The following PACC1 variants were observed in gnomAD, a reference collection of about 807,000 sequenced individuals.
PACC1 encodes the protein proton activated chloride channel 1.
Under a neutral mutation model 39.7 loss-of-function variants are expected in PACC1, and 34 were observed. The ratio of observed to expected loss-of-function variants is 0.86; its 90% CI spans 0.65 to 1.14. The LOEUF is 1.14. Ranked by LOEUF, PACC1 falls within the 50% of genes most tolerant of loss-of-function variation. PACC1 has a pLI of 0.00. For missense variants in PACC1, 379 were observed against 436.4 expected (o/e 0.87, Z 1.17); for synonymous variants, 127 against 160.6 (o/e 0.79, Z 1.58).
At chr1:212,414,324 G>A (rs1310718441) in intron 1 of PACC1, among the ~76,000 whole-genome samples, 3 of 152,210 alleles carry the variant, frequency 2.0e-5, no homozygotes, top group Non-Finnish European at 2.9e-5. Flanking sequence ...ATCTCGCCGG[G>A]AGGAGGGCGC....
intron 6 of PACC1, among the ~76,000 whole-genome samples, 164 bp downstream of exon 6, chr1:212,377,398 C>T (rs1228493400): frequency 6.6e-6 from 1 of 152,196 alleles, no homozygotes; most frequent in Non-Finnish European, 1.5e-5. Context: ...GACTCCCTGG[C>T]ATAGCATATG....
At position 212,386,449 on chromosome 1, in the gene PACC1, TCCCCA is replaced by T. The variant is rs1361774009; in HGVS notation, c.343+437_343+441del. 6.6e-6 allele frequency among the ~76,000 whole-genome samples: 1 copy of T among 151,748 alleles called. No individual in the cohort carries two copies. The highest frequency in any genetic ancestry group is 1.9e-4 in the East Asian group (1 of 5,160). ...AATGGCCTCGCCTCCCCTGCCATCC[TCCCCA>T]CCCCACAGTCCAGCCTTGACTCCTG... On this transcript the variant is annotated intron_variant, in intron 3 of 7. Coordinates refer to ENST00000261455, the MANE Select transcript of PACC1 (RefSeq NM_018252.3). This position sits in a 1 kb window ranked among gnomAD's most constrained non-coding sequence, Gnocchi z 5.0.
chr1:212,370,013 A>G (rs755488856), intron 7 of PACC1, among the ~76,000 whole-genome samples: 1 of 152,176 alleles, frequency 6.6e-6, no homozygotes, highest in Non-Finnish European at 1.5e-5. Flanking sequence ...TATAAAGCAA[A>G]TATTAATAGA....
intron 1 of PACC1, among the ~76,000 whole-genome samples, chr1:212,413,634 C>T (rs1025165350): frequency 7.9e-5 from 12 of 152,104 alleles, no homozygotes; most frequent in Admixed American, 1.3e-4. Context: ...TGTGCCAGAC[C>T]CTAGGTGGGT....
intron 2 of PACC1, among the ~76,000 whole-genome samples, chr1:212,390,385 T>C (rs1254073001): frequency 2.7e-5 from 4 of 146,546 alleles, no homozygotes; most frequent in African/African-American, 5.1e-5. Context: ...ATCACGCCAT[T>C]GCACTCCAGC....
chr1:212,398,058 G>C (rs1179426818), intron 2 of PACC1, among the ~76,000 whole-genome samples: 3 of 152,070 alleles, frequency 2.0e-5, no homozygotes, highest in African/African-American at 7.2e-5. Flanking sequence ...GCAGATGACA[G>C]AACGCTGCAA....
chr1:212,387,509 A>G (rs1250076991), intron 2 of PACC1: 1 of 182,224 alleles, frequency 5.5e-6, no homozygotes, highest in Non-Finnish European at 1.2e-5. Flanking sequence ...CTTATCCCTC[A>G]CTGCTCCACT....
chr1:212,377,356 C>CGGT (rs1660702105), intron 6 of PACC1, among the ~76,000 whole-genome samples: 1 of 152,186 alleles, frequency 6.6e-6, no homozygotes, highest in South Asian at 2.1e-4. Context: ...GAGGACTGGC[C>CGGT]GGTATGTGCG....
At chr1:212,379,339 A>G (rs529250623) in intron 5 of PACC1, among the ~76,000 whole-genome samples, 1 of 152,292 alleles carries the variant, frequency 6.6e-6, no homozygotes, top group South Asian at 2.1e-4. Context: ...TGTTTATGTT[A>G]TTGGTAAGGC....
rs752725305 is a variant in PACC1, at chr1:212,410,490, T to C, written c.68A>G (p.Asn23Ser). ...GTCCTGCTCGTCTGCCAGCTCTGAG[T>C]TCTCAACCACCTGGACCAACTCCTC... is the stretch of plus-strand genomic sequence containing the variant. ...LSEELVQVVE[N>S]SELADEQDKE... Residue 23 changes from asparagine (N) to serine (S), a missense_variant, in exon 2 of 8, where the codon AAC (asparagine) becomes AGC (serine). Coordinates refer to ENST00000261455, the MANE Select transcript of PACC1 (RefSeq NM_018252.3). 2.5e-6 allele frequency: 4 copies of C among 1,614,134 alleles called. No homozygotes were observed. The South Asian group carries it at 3.3e-5, about 13-fold the overall frequency.
chr1:212,372,581 T>TA (rs1464475228), intron 7 of PACC1, among the ~76,000 whole-genome samples: 1 of 152,188 alleles, frequency 6.6e-6, no homozygotes, highest in Non-Finnish European at 1.5e-5. Context: ...GATATGATCT[T>TA]ATATTTTGAA....
chr1:212,388,337 C>T (rs560624286), intron 2 of PACC1, among the ~76,000 whole-genome samples: 1 of 152,300 alleles, frequency 6.6e-6, no homozygotes, highest in East Asian at 1.9e-4. Context: ...TTGAACACGT[C>T]CTGATGCTAT....
intron 4 of PACC1, among the ~76,000 whole-genome samples, chr1:212,380,375 G>A (rs1660833738): frequency 1.3e-5 from 2 of 152,050 alleles, no homozygotes; most frequent in South Asian, 4.1e-4. Flanking sequence ...TTTTAACTTT[G>A]TTTCCAATGT....
intron 3 of PACC1, among the ~76,000 whole-genome samples, chr1:212,385,752 C>T (rs1175499757): frequency 1.3e-5 from 2 of 152,156 alleles, no homozygotes; most frequent in Admixed American, 6.5e-5. Context: ...CCTGTGCCAC[C>T]CCTCTGGGCC....
intron 4 of PACC1, among the ~76,000 whole-genome samples, chr1:212,383,469 A>T (rs1213534198): frequency 6.6e-6 from 1 of 152,198 alleles, no homozygotes; most frequent in Non-Finnish European, 1.5e-5. Context: ...AGCTTCTATT[A>T]TACATATAAC....
intron 5 of PACC1, 100 bp from the exon 6 acceptor site, chr1:212,377,806 G>A (rs1660724080): frequency 5.8e-6 from 8 of 1,373,106 alleles, no homozygotes; most frequent in Non-Finnish European, 8.0e-6. Context: ...GGCACAACCA[G>A]GATGCTGCCC....
chr1:212,369,282 C>T (rs1055849592), intron 7 of PACC1, among the ~76,000 whole-genome samples: 8 of 151,998 alleles, frequency 5.3e-5, no homozygotes, highest in African/African-American at 1.9e-4. Context: ...AATCATTTAT[C>T]CACAAAGACA....
At chr1:212,398,235 G>T (rs184712315) in intron 2 of PACC1, among the ~76,000 whole-genome samples, 1 of 152,246 alleles carries the variant, frequency 6.6e-6, no homozygotes, top group African/African-American at 2.4e-5. Flanking sequence ...GATATACATT[G>T]AAAATAAAAT....
At chr1:212,400,619 T>TAA (rs551343413) in intron 2 of PACC1, among the ~76,000 whole-genome samples, 41 of 148,468 alleles carry the variant, frequency 2.8e-4, no homozygotes, top group African/African-American at 9.1e-4. Flanking sequence ...TACTTTATCA[T>TAA]AAAAAAAAAA....
Sources: allele counts gnomAD v4.1 joint callset (sites outside exome capture counted in the v4.1 genomes callset), GRCh38; gene constraint gnomAD v4.1.1; non-coding constraint Gnocchi (gnomAD v3.1); transcripts MANE v1.5; gene names NCBI Gene and HGNC (gene_info 2026-07-23, HGNC 2026-07-21).